Variants in UBAC2 observed in about 807,000 individuals in gnomAD.
UBAC2 encodes ubiquitin-associated domain-containing protein 2.
In UBAC2, 26 loss-of-function variants were observed where a neutral mutation model predicts 44.0. That is an observed-to-expected ratio of 0.59 (90% confidence interval 0.43 to 0.82). The LOEUF is 0.82. Ranked by LOEUF, UBAC2 falls within the 40% of genes least tolerant of loss-of-function variation. UBAC2 has a pLI of 0.00. For missense variants in UBAC2, 329 were observed against 419.4 expected (o/e 0.78, Z 1.88); for synonymous variants, 155 against 154.3 (o/e 1.00, Z -0.04).
chr13:99,333,780 G>A (rs2044749002), intron 6 of UBAC2, among the ~76,000 whole-genome samples: 1 of 152,122 alleles, frequency 6.6e-6, no homozygotes, highest in Non-Finnish European at 1.5e-5. Context: ...CATTGTGGGG[G>A]CAGGGAAGGC....
At chr13:99,233,100 G>C (rs1324111177) in intron 1 of UBAC2, among the ~76,000 whole-genome samples, 18 of 151,626 alleles carry the variant, frequency 1.2e-4, no homozygotes, top group Admixed American at 9.9e-4. Context: ...CACATCTAAT[G>C]CCCAGATTTG....
intron 1 of UBAC2, among the ~76,000 whole-genome samples, chr13:99,233,227 C>A (rs942445831): frequency 1.3e-5 from 2 of 151,892 alleles, no homozygotes; most frequent in African/African-American, 4.8e-5. Flanking sequence ...ATTCTCCTGC[C>A]TCAGCCTCCC....
intron 1 of UBAC2, among the ~76,000 whole-genome samples, chr13:99,223,455 T>G (rs1470225312): frequency 6.6e-6 from 1 of 152,036 alleles, no homozygotes; most frequent in Admixed American, 6.5e-5. Context: ...TTATAGTTTG[T>G]TTTTTCCATT....
At chr13:99,338,143 C>T (rs539589515) in intron 6 of UBAC2, among the ~76,000 whole-genome samples, 4 of 146,192 alleles carry the variant, frequency 2.7e-5, no homozygotes, top group African/African-American at 1.0e-4. Context: ...CTGTAACCTC[C>T]ACCACCCAGG....
rs1555331218 is a variant in UBAC2 at position 99,347,319 on chromosome 13, G to GCCGCCCCCCCCCC, written c.807+6756_807+6757insGCCCCCCCCCCCC. 2.4e-4 allele frequency among the ~76,000 whole-genome samples: 5 copies of GCCGCCCCCCCCCC among 20,548 alleles called. 1 individual carries two copies. The highest frequency in any genetic ancestry group is 7.2e-4 in the Admixed American group (1 of 1,384). 13.5% of individuals were successfully genotyped at this position (20,548 alleles called of 152,430 possible). A position where few individuals can be genotyped will look rare whatever the true frequency, so the allele number is the denominator to read the frequency against. On this transcript the variant is annotated intron_variant, in intron 7 of 8. Transcript: ENST00000403766. Reference sequence around the variant, plus strand: ...GATTCAGACGTTACTATCCCCGGGCGCCCCCCCCCCCCCCCAGGAAAAAAA... The same window carrying GCCGCCCCCCCCCC: ...GATTCAGACGTTACTATCCCCGGGCGCCGCCCCCCCCCCCCCCCCCCCCCCCCCAGGAAAAAAA...
Position 99,242,504 on chromosome 13 carries a change from G to A in UBAC2, c.160-1328G>A, listed in dbSNP as rs1594037759. Among the ~76,000 whole-genome samples the A allele has an allele frequency of 2.8e-5, 4 of 141,012 alleles. No homozygotes were observed. In the East Asian group the frequency reaches 8.8e-4, roughly 31 times the overall value. The allele number at this position is 141,012 out of a possible 152,430, so 92.5% of individuals were successfully genotyped here. On this transcript the variant is annotated intron_variant, in intron 2 of 8. Transcript: ENST00000403766. The stretch of plus-strand genomic sequence containing the variant: ...CGACGGGGCGGCTGGCCGGGCGGGG[G>A]GCTGCCCCCCCCACCTCCCTCCCGG...
At chr13:99,368,112 C>T (rs989981689) in intron 8 of UBAC2, among the ~76,000 whole-genome samples, 16 of 145,304 alleles carry the variant, frequency 1.1e-4, no homozygotes, top group Admixed American at 8.2e-4. Flanking sequence ...GGTTGGGGGG[C>T]GGCGGGTGGG....
At chr13:99,332,388 G>A (rs1344668728) in intron 6 of UBAC2, among the ~76,000 whole-genome samples, 1 of 152,220 alleles carries the variant, frequency 6.6e-6, no homozygotes, top group Non-Finnish European at 1.5e-5. Flanking sequence ...AAAGGATGAA[G>A]CATCTGGAAA....
chr13:99,362,722 G>A lies in UBAC2; in HGVS notation c.808-5065G>A, dbSNP rs947503503. ...TTATTTTTTTCTCATTGATTTATAA[G>A]TGTTGTCTTATAAGTTCATAAGTGT... On this transcript the variant is annotated intron_variant, in intron 7 of 8. Coordinates refer to ENST00000403766, the MANE Select transcript of UBAC2 (RefSeq NM_001144072.2). 1.1e-4 allele frequency among the ~76,000 whole-genome samples: 16 copies of A among 152,114 alleles called. 1 individual carries two copies. The highest frequency in any genetic ancestry group is 3.6e-4 in the African/African-American group (15 of 41,476).
chr13:99,285,265 T>TG (rs1442029546), intron 4 of UBAC2, among the ~76,000 whole-genome samples: 2 of 152,162 alleles, frequency 1.3e-5, no homozygotes, highest in Admixed American at 6.5e-5. Flanking sequence ...CTGCTGCTGC[T>TG]GCTGCTCCTC....
intron 1 of UBAC2, among the ~76,000 whole-genome samples, chr13:99,227,629 AT>A (rs1464997622): frequency 6.6e-6 from 1 of 152,100 alleles, no homozygotes; most frequent in East Asian, 1.9e-4. Context: ...TTCTCATAGG[AT>A]TTATTTCCAT....
chr13:99,312,012 C>G lies in UBAC2; in HGVS notation c.390-2085C>G, dbSNP rs979624121. ...TGTGTCCCCAGTCCTGACACAGTGC[C>G]TGCACTTAGGCCTTACTGGCTGGAG... On this transcript the variant is annotated intron_variant, in intron 4 of 8. Coordinates refer to ENST00000403766, the MANE Select transcript of UBAC2 (RefSeq NM_001144072.2). Among the ~76,000 whole-genome samples the G allele has an allele frequency of 2.6e-5, 4 of 152,252 alleles. No individual in the cohort carries two copies. The South Asian group carries it at 6.2e-4, about 24-fold the overall frequency.
intron 8 of UBAC2, chr13:99,376,788 A>G (rs1041039342): frequency 2.0e-5 from 3 of 152,210 alleles, no homozygotes; most frequent in African/African-American, 7.2e-5. Context: ...TGTGGTGAGG[A>G]TTTTTAGGCA....
chr13:99,241,077 A>G (rs1419373307), intron 2 of UBAC2, among the ~76,000 whole-genome samples: 1 of 152,230 alleles, frequency 6.6e-6, no homozygotes, highest in African/African-American at 2.4e-5. Context: ...CAGCCTGGGC[A>G]ACATGGCAAA....
intron 7 of UBAC2, among the ~76,000 whole-genome samples, chr13:99,364,866 G>T (rs2045310784): frequency 6.6e-6 from 1 of 152,132 alleles, no homozygotes; most frequent in Non-Finnish European, 1.5e-5. Flanking sequence ...ATGGGCATTT[G>T]GGTAGTTCCC....
At chr13:99,244,024 G>A in intron 3 of UBAC2, 73 bp downstream of exon 3, 1 of 1,200,494 alleles carries the variant, frequency 8.3e-7, no homozygotes, top group Non-Finnish European at 1.1e-6. Context: ...ATTTTATTTT[G>A]TTAAACTTGG....
intron 8 of UBAC2, among the ~76,000 whole-genome samples, chr13:99,378,722 A>G (rs2045513826): frequency 1.3e-5 from 2 of 152,208 alleles, no homozygotes; most frequent in Non-Finnish European, 2.9e-5. Flanking sequence ...TCAGGCTTGC[A>G]TAGCTGTGTT....
intron 1 of UBAC2, among the ~76,000 whole-genome samples, chr13:99,203,332 G>A (rs2042829284): frequency 6.6e-6 from 1 of 152,150 alleles, no homozygotes; most frequent in South Asian, 2.1e-4. Flanking sequence ...CACTGCCTAT[G>A]ATTTCCTTTA....
chr13:99,252,082 C>T (rs778738765), intron 4 of UBAC2, among the ~76,000 whole-genome samples: 2 of 152,194 alleles, frequency 1.3e-5, no homozygotes, highest in Non-Finnish European at 2.9e-5. Flanking sequence ...TTTCAGAGTC[C>T]TCCTCATCTG....
Sources: allele counts gnomAD v4.1 joint callset (sites outside exome capture counted in the v4.1 genomes callset), GRCh38; gene constraint gnomAD v4.1.1; transcripts MANE v1.5; gene names NCBI Gene and HGNC (gene_info 2026-07-23, HGNC 2026-07-21).